The following RAB38 variants were observed in gnomAD, a reference collection of about 807,000 sequenced individuals.
RAB38 encodes ras-related protein Rab-38.
Under a neutral mutation model 18.4 loss-of-function variants are expected in RAB38, and 15 were observed. That is an observed-to-expected ratio of 0.82 (90% confidence interval 0.55 to 1.26). The LOEUF is 1.26. Among genes scored for constraint, RAB38 ranks in the 50% most tolerant of loss-of-function variants. The pLI is 0.00. For synonymous variants in RAB38, 101 were observed against 104.4 expected (o/e 0.97, Z 0.20); for missense variants, 294 against 267.4 (o/e 1.10, Z -0.69).
the RAB38 span, among the ~76,000 whole-genome samples, chr11:87,906,323 A>G: frequency 6.6e-6 from 1 of 152,056 alleles, no homozygotes; most frequent in Non-Finnish European, 1.5e-5. Flanking sequence ...ACTTATAACC[A>G]TTTGATTAGT....
the RAB38 span, among the ~76,000 whole-genome samples, chr11:87,968,591 G>T: frequency 6.6e-6 from 1 of 152,108 alleles, no homozygotes; most frequent in East Asian, 1.9e-4. Context: ...ACTCAATGTT[G>T]TAGTACACAA....
At chr11:88,028,602 T>C in the RAB38 span, among the ~76,000 whole-genome samples, 4 of 152,242 alleles carry the variant, frequency 2.6e-5, no homozygotes, top group Admixed American at 2.6e-4. Context: ...CAGGAGCCGA[T>C]GCGATCAACT....
At chr11:87,844,626 T>C in the RAB38 span, among the ~76,000 whole-genome samples, 1 of 152,200 alleles carries the variant, frequency 6.6e-6, no homozygotes, top group African/African-American at 2.4e-5. Flanking sequence ...TTTCTCAAAG[T>C]AGGCCTTATT....
chr11:87,958,134 C>T, the RAB38 span, among the ~76,000 whole-genome samples: 382 of 152,224 alleles, frequency 2.5e-3, no homozygotes, highest in African/African-American at 8.2e-3. Flanking sequence ...CACTGGCAGC[C>T]ACTGCCCCCA....
chr11:87,865,731 AAGAG>A, the RAB38 span, among the ~76,000 whole-genome samples: 1 of 151,720 alleles, frequency 6.6e-6, no homozygotes, highest in Non-Finnish European at 1.5e-5. Context: ...GGAAGAAAAG[AAGAG>A]AGAGATTGAG....
chr11:88,149,803 G>A lies in RAB38; in HGVS notation c.355C>T (p.Pro119Ser), dbSNP rs61758769. The A allele has an allele frequency of 7.1e-4, 1,142 of 1,613,994 alleles. 2 individuals carry two copies. The highest frequency in any genetic ancestry group is 8.7e-4 in the Non-Finnish European group (1,027 of 1,179,990). Residue 119 changes from proline to serine, a missense_variant, in exon 2 of 3, where the codon CCG becomes TCG. Transcript: ENST00000243662. ...TTGGCCAACAAAACCACTGAAACCG[G>A]TTTGCCATTAGGGAGACTTAACTTG... ...DSKLSLPNGK[P>S]VSVVLLANKC...
the RAB38 span, among the ~76,000 whole-genome samples, chr11:88,074,596 A>G: frequency 6.6e-6 from 1 of 152,190 alleles, no homozygotes; most frequent in Admixed American, 6.5e-5. Flanking sequence ...ATACTACCAG[A>G]GAAAATCACT....
chr11:87,901,924 C>CTT, the RAB38 span, among the ~76,000 whole-genome samples: 30 of 143,566 alleles, frequency 2.1e-4, no homozygotes, highest in African/African-American at 6.9e-4. Context: ...GTTTGGCTGA[C>CTT]TTTTTTTTTT....
chr11:87,892,864 T>C, the RAB38 span, among the ~76,000 whole-genome samples: 108 of 151,916 alleles, frequency 7.1e-4, no homozygotes, highest in African/African-American at 2.5e-3. Context: ...TATTCAATTA[T>C]TGGAATTGTT....
the RAB38 span, among the ~76,000 whole-genome samples, chr11:87,976,679 ATT>A: frequency 2.2e-5 from 2 of 92,254 alleles, no homozygotes; most frequent in Non-Finnish European, 4.4e-5. Flanking sequence ...TATGATATAT[ATT>A]TATATATTTA....
At chr11:87,902,314 T>C in the RAB38 span, among the ~76,000 whole-genome samples, 1 of 151,590 alleles carries the variant, frequency 6.6e-6, no homozygotes, top group East Asian at 1.9e-4. Flanking sequence ...CAAATACTTT[T>C]CATATAGATA....
intron 2 of RAB38, among the ~76,000 whole-genome samples, chr11:88,124,920 T>C (rs1942676316): frequency 6.6e-6 from 1 of 152,226 alleles, no homozygotes; most frequent in Non-Finnish European, 1.5e-5. Context: ...TTACAATCCA[T>C]GCTTTAATTT....
At chr11:87,878,240 C>A in the RAB38 span, among the ~76,000 whole-genome samples, 1 of 106,960 alleles carries the variant, frequency 9.3e-6, no homozygotes, top group African/African-American at 5.3e-5. Context: ...TATATATACA[C>A]ACACACCTAT....
At chr11:88,092,380 GAGAGAGAGAGAGAGAGAGAGAGA>G in the RAB38 span, among the ~76,000 whole-genome samples, 2 of 30,790 alleles carry the variant, frequency 6.5e-5, no homozygotes, top group Non-Finnish European at 2.4e-4. Flanking sequence ...GAGAGAGAGA[GAGAGAGAGAGAGAGAGAGAGAGA>G]GAGAGAGAGA....
chr11:87,929,889 T>G, the RAB38 span, among the ~76,000 whole-genome samples: 4 of 152,228 alleles, frequency 2.6e-5, no homozygotes, highest in South Asian at 4.2e-4. Flanking sequence ...ACAAAGGACA[T>G]GAACTCATCA....
the RAB38 span, among the ~76,000 whole-genome samples, chr11:88,027,679 C>T: frequency 7.6e-6 from 1 of 131,526 alleles, no homozygotes; most frequent in Admixed American, 6.9e-5. Flanking sequence ...GAGGGGCGCC[C>T]GCCATTGCCC....
intron 2 of RAB38, among the ~76,000 whole-genome samples, chr11:88,135,775 G>C (rs1419852324): frequency 6.6e-6 from 1 of 152,180 alleles, no homozygotes; most frequent in Non-Finnish European, 1.5e-5. Context: ...TTTTGCGATG[G>C]TATTTAAAAA....
chr11:87,909,451 C>G, the RAB38 span, among the ~76,000 whole-genome samples: 5,538 of 152,048 alleles, frequency 0.036, 313 homozygotes, highest in African/African-American at 0.12. Context: ...TTCTCTCTCT[C>G]TCTGTCTCTC....
chr11:88,100,310 C>T, the RAB38 span, among the ~76,000 whole-genome samples: 5 of 151,828 alleles, frequency 3.3e-5, no homozygotes, highest in South Asian at 2.1e-4. Flanking sequence ...CAACATAAAT[C>T]GAAAACATTT....
Sources: allele counts gnomAD v4.1 joint callset (sites outside exome capture counted in the v4.1 genomes callset), GRCh38; gene constraint gnomAD v4.1.1; transcripts MANE v1.5; gene names NCBI Gene and HGNC (gene_info 2026-07-23, HGNC 2026-07-21).